The following ARHGAP10 variants were observed in gnomAD, a reference collection of about 807,000 sequenced individuals.
The protein encoded by ARHGAP10 is rho GTPase-activating protein 10.
In ARHGAP10, 87 loss-of-function variants were observed where a neutral mutation model predicts 108.6. The observed-to-expected ratio is 0.80, with a 90% CI of 0.67 to 0.96. The LOEUF is 0.96. ARHGAP10 is among the 40% of genes least tolerant of loss of function. The pLI, the probability that ARHGAP10 is intolerant of heterozygous loss-of-function variation, is 0.00. For synonymous variants in ARHGAP10, 347 were observed against 341.1 expected, an observed-to-expected ratio of 1.02 and a Z score of -0.19; for missense variants, 939 against 954.5, an observed-to-expected ratio of 0.98 and a Z score of 0.21.
intron 1 of ARHGAP10, among the ~76,000 whole-genome samples, chr4:147,737,292 G>A (rs1413089814): frequency 1.3e-5 from 2 of 151,576 alleles, no homozygotes; most frequent in African/African-American, 2.4e-5. Flanking sequence ...CTGGGATTAC[G>A]GGCACGCGCC....
In ARHGAP10 at chr4:147,866,808, A is replaced by G. The variant is rs774899236; in HGVS notation, c.694A>G (p.Ile232Val). 43 of 1,605,086 alleles carry G rather than the reference A, an allele frequency of 2.7e-5. No homozygotes were observed. The highest frequency in any genetic ancestry group is 3.6e-5 in the Non-Finnish European group (42 of 1,172,292). The change falls in exon 7 of 23, where the codon ATT becomes GTT. Residue 232 changes from isoleucine to valine, a missense_variant. Coordinates refer to ENST00000336498, the MANE Select transcript of ARHGAP10 (RefSeq NM_024605.4). ...CTACAAAATGGAACTACAGATCAAC[A>G]TTCAGAATGTAAGGAAGTGAAAGCT... ...NHYKMELQIN[I>V]QNTRNRFEGT... is the part of the protein sequence containing the mutation.
At chr4:147,967,706 C>G (rs1179120105) in intron 18 of ARHGAP10, among the ~76,000 whole-genome samples, 1 of 152,194 alleles carries the variant, frequency 6.6e-6, no homozygotes, top group Non-Finnish European at 1.5e-5. Flanking sequence ...CTGGTACTTG[C>G]AACAGAGACC....
At chr4:147,818,255 G>T (rs1732337262) in intron 1 of ARHGAP10, among the ~76,000 whole-genome samples, 7 of 151,526 alleles carry the variant, frequency 4.6e-5, no homozygotes, top group African/African-American at 2.4e-5. Flanking sequence ...TTAGCGTAGA[G>T]CAGGCGCTCA....
At chr4:147,790,460 G>T (rs1373443314) in intron 1 of ARHGAP10, among the ~76,000 whole-genome samples, 2 of 152,186 alleles carry the variant, frequency 1.3e-5, no homozygotes, top group Non-Finnish European at 2.9e-5. Context: ...AAGATCCAGT[G>T]TATCAGTAAT....
At chr4:147,980,959 CAATCCTATCAATCTTGTT>C (rs1174442731) in intron 18 of ARHGAP10, among the ~76,000 whole-genome samples, 11 of 152,096 alleles carry the variant, frequency 7.2e-5, no homozygotes, top group Admixed American at 6.5e-4. Context: ...ATCCAGCTAG[CAATCCTATCAATCTTGTT>C]AATCCTATCA....
At chr4:147,772,796 A>G (rs1730131183) in intron 1 of ARHGAP10, among the ~76,000 whole-genome samples, 1 of 152,072 alleles carries the variant, frequency 6.6e-6, no homozygotes. Flanking sequence ...TCTTAAGTCT[A>G]GTGGGGTTAC....
intron 12 of ARHGAP10, among the ~76,000 whole-genome samples, chr4:147,912,352 C>G (rs943373912): frequency 1.3e-5 from 2 of 151,062 alleles, no homozygotes; most frequent in Admixed American, 6.6e-5. Context: ...CCAGCCTGGC[C>G]AACATGGTGA....
chr4:147,888,332 G>A (rs1482542446), intron 10 of ARHGAP10, among the ~76,000 whole-genome samples: 1 of 152,160 alleles, frequency 6.6e-6, no homozygotes, highest in Non-Finnish European at 1.5e-5. Context: ...TGCCTACTCA[G>A]TATTGCTTCT....
chr4:147,857,744 A>T, intron 5 of ARHGAP10, 90 bp downstream of exon 5: 1 of 1,138,682 alleles, frequency 8.8e-7, no homozygotes, highest in Non-Finnish European at 1.2e-6. Context: ...ATAACTTTTC[A>T]TCTGGCATTA....
In ARHGAP10 at chr4:148,046,956, G is replaced by C; in HGVS notation, c.1932G>C (p.Pro644=). The part of the protein sequence containing the change: ...PTSSLDSLSS[P]SPVTTAVPGP... ...GCAGTCTGGACTCACTTTCCTCCCCGTCTCCCGTGACTACAGCTGTCCCTG... is the reference window on the plus strand; with the variant it reads ...GCAGTCTGGACTCACTTTCCTCCCCCTCTCCCGTGACTACAGCTGTCCCTG... Residue 644 remains proline (P), a synonymous_variant, in exon 20 of 23, where the codon CCG becomes CCC. Coordinates refer to ENST00000336498, the MANE Select transcript of ARHGAP10 (RefSeq NM_024605.4). 5 of 1,614,012 alleles carry C rather than the reference G, an allele frequency of 3.1e-6. No individual in the cohort carries two copies. The highest frequency in any genetic ancestry group is 4.2e-6 in the Non-Finnish European group (5 of 1,179,998).
intron 15 of ARHGAP10, among the ~76,000 whole-genome samples, chr4:147,950,437 C>T (rs1738555099): frequency 6.6e-6 from 1 of 152,172 alleles, no homozygotes; most frequent in South Asian, 2.1e-4. Flanking sequence ...AGGGTTGGAG[C>T]CCCAGCTCTG....
intron 1 of ARHGAP10, among the ~76,000 whole-genome samples, chr4:147,801,767 T>G (rs1353253297): frequency 6.6e-6 from 1 of 152,252 alleles, no homozygotes; most frequent in Non-Finnish European, 1.5e-5. Context: ...TCATCGCTGT[T>G]TACTCCACAG....
At chr4:147,756,587 A>G (rs541744499) in intron 1 of ARHGAP10, among the ~76,000 whole-genome samples, 1 of 152,342 alleles carries the variant, frequency 6.6e-6, no homozygotes, top group East Asian at 1.9e-4. Flanking sequence ...AGTGTGATGG[A>G]ATCATGTGCC....
chr4:147,902,154 G>A (rs190477352), intron 10 of ARHGAP10, among the ~76,000 whole-genome samples: 1 of 152,216 alleles, frequency 6.6e-6, no homozygotes, highest in Admixed American at 6.5e-5. Flanking sequence ...AAGCACTTCT[G>A]GAATATTTCC....
intron 1 of ARHGAP10, among the ~76,000 whole-genome samples, chr4:147,804,879 G>A (rs1731720040): frequency 1.3e-5 from 2 of 152,102 alleles, no homozygotes; most frequent in South Asian, 4.1e-4. Flanking sequence ...TTAGACCTTT[G>A]TCAGATGCAT....
intron 17 of ARHGAP10, among the ~76,000 whole-genome samples, chr4:147,965,912 G>A (rs777715266): frequency 3.9e-5 from 6 of 152,148 alleles, no homozygotes; most frequent in Non-Finnish European, 5.9e-5. Context: ...AAAACACAAA[G>A]CAGAGTAAGG....
intron 1 of ARHGAP10, among the ~76,000 whole-genome samples, chr4:147,766,836 A>G (rs193123468): frequency 2.3e-5 from 1 of 43,638 alleles, no homozygotes; most frequent in Non-Finnish European, 5.1e-5. Context: ...ATATATATAT[A>G]TATTTATTTA....
chr4:147,788,768 C>G (rs1473727290), intron 1 of ARHGAP10, among the ~76,000 whole-genome samples: 1 of 152,104 alleles, frequency 6.6e-6, no homozygotes, highest in Non-Finnish European at 1.5e-5. Flanking sequence ...GCTGAGAGCT[C>G]TAATTATCAG....
At chr4:147,922,227 GGAATGGAGAGT>G (rs749752862) in intron 13 of ARHGAP10, among the ~76,000 whole-genome samples, 84 of 152,182 alleles carry the variant, frequency 5.5e-4, no homozygotes, top group Admixed American at 5.4e-3. Context: ...AGGAGTGGTA[GGAATGGAGAGT>G]GAAGGGAGGG....
Sources: allele counts gnomAD v4.1 joint callset (sites outside exome capture counted in the v4.1 genomes callset), GRCh38; gene constraint gnomAD v4.1.1; transcripts MANE v1.5; gene names NCBI Gene and HGNC (gene_info 2026-07-23, HGNC 2026-07-21).